FRMD4A: variants seen among roughly 807,000 people sequenced by gnomAD.
FRMD4A encodes the protein FERM domain-containing protein 4A.
FRMD4A carries 29 observed loss-of-function variants against 129.1 expected under a neutral mutation model. The observed-to-expected ratio is 0.22, with a 90% confidence interval of 0.17 to 0.31. The LOEUF is 0.31. FRMD4A is among the 10% of genes least tolerant of loss of function. The pLI is 1.00. For synonymous variants in FRMD4A, 634 were observed against 571.6 expected (o/e 1.11, Z -1.56); for missense variants, 1,272 against 1,375.8 (o/e 0.92, Z 1.19).
chr10:14,175,373 C>T (rs993698633), intron 2 of FRMD4A, among the ~76,000 whole-genome samples: 1 of 152,106 alleles, frequency 6.6e-6, no homozygotes, highest in African/African-American at 2.4e-5. Flanking sequence ...GGTCCCAGGC[C>T]CCTGCCTCTT....
At chr10:14,254,584 T>C (rs900807667) in intron 2 of FRMD4A, among the ~76,000 whole-genome samples, 1 of 152,086 alleles carries the variant, frequency 6.6e-6, no homozygotes, top group Non-Finnish European at 1.5e-5. Flanking sequence ...CACCTTTCTT[T>C]ACAATGTGGG....
At position 13,782,905 on chromosome 10, in the gene FRMD4A, G is replaced by A. The variant is rs1309828424; in HGVS notation, c.384+17C>T. The A allele has an allele frequency of 1.8e-6, 2 of 1,124,254 alleles. No homozygotes were observed. The highest frequency in any genetic ancestry group is 2.7e-6 in the Non-Finnish European group (2 of 732,318). The allele number at this position is 1,124,254 out of a possible 1,614,324, so 69.6% of individuals were successfully genotyped here. On this transcript the variant is annotated intron_variant, in intron 6 of 24. Coordinates refer to ENST00000357447, the MANE Select transcript of FRMD4A (RefSeq NM_018027.5). ...TTTCAGGTTTCAGAGGGAAATTGAG[G>A]GAGAGGGAGTTCCTACCTTGTAGAT...
intron 24 of FRMD4A, chr10:13,649,160 T>G (rs2081345802): frequency 6.6e-6 from 1 of 152,208 alleles, no homozygotes; most frequent in Admixed American, 6.5e-5. Flanking sequence ...CTAAACAGTT[T>G]CTGGTTGAAA....
intron 6 of FRMD4A, among the ~76,000 whole-genome samples, chr10:13,771,950 C>A (rs1169277508): frequency 6.7e-6 from 1 of 149,678 alleles, no homozygotes; most frequent in Non-Finnish European, 1.5e-5. Flanking sequence ...AAACAAAACA[C>A]ACAAAAAAAA....
intron 2 of FRMD4A, among the ~76,000 whole-genome samples, chr10:14,306,949 T>A (rs750860804): frequency 3.3e-5 from 5 of 152,132 alleles, no homozygotes; most frequent in Non-Finnish European, 7.4e-5. Flanking sequence ...AAACTCATAA[T>A]CCTATAAAGA....
chr10:14,207,463 G>A (rs141115010), intron 2 of FRMD4A, among the ~76,000 whole-genome samples: 4 of 152,256 alleles, frequency 2.6e-5, no homozygotes, highest in African/African-American at 9.6e-5. Flanking sequence ...CCATGGCCCA[G>A]GGGCTGGGGA....
intron 2 of FRMD4A, among the ~76,000 whole-genome samples, chr10:13,863,546 C>T (rs552415580): frequency 7.2e-5 from 11 of 152,154 alleles, no homozygotes; most frequent in Admixed American, 3.3e-4. Flanking sequence ...GCCAAGATTG[C>T]GCCACTGTAT....
chr10:14,305,387 A>G (rs1050129711), intron 2 of FRMD4A, among the ~76,000 whole-genome samples: 1 of 152,224 alleles, frequency 6.6e-6, no homozygotes, highest in African/African-American at 2.4e-5. Flanking sequence ...TAGATTATAT[A>G]TCTAAGAAAT....
chr10:14,027,178 C>CT (rs2131656066), intron 2 of FRMD4A, among the ~76,000 whole-genome samples: 1 of 152,280 alleles, frequency 6.6e-6, no homozygotes, highest in South Asian at 2.1e-4. Flanking sequence ...AAGAGATATA[C>CT]TACTTGTTTG....
chr10:14,136,786 T>G (rs1839559562), intron 2 of FRMD4A, among the ~76,000 whole-genome samples: 1 of 152,164 alleles, frequency 6.6e-6, no homozygotes, highest in South Asian at 2.1e-4. Flanking sequence ...AAAAGCAAGC[T>G]GTACCCCGAC....
chr10:14,169,835 T>C (rs1841383788), intron 2 of FRMD4A, among the ~76,000 whole-genome samples: 2 of 152,186 alleles, frequency 1.3e-5, no homozygotes, highest in African/African-American at 2.4e-5. Context: ...TTGGGCATAA[T>C]CATGTGTGTG....
intron 5 of FRMD4A, among the ~76,000 whole-genome samples, chr10:13,794,776 TG>T (rs2093078107): frequency 6.6e-6 from 1 of 152,206 alleles, no homozygotes; most frequent in African/African-American, 2.4e-5. Flanking sequence ...ATGGTGATGG[TG>T]GAAGCGTCTA....
intron 2 of FRMD4A, among the ~76,000 whole-genome samples, chr10:14,109,707 C>T (rs1837780621): frequency 6.6e-6 from 1 of 152,090 alleles, no homozygotes; most frequent in South Asian, 2.1e-4. Context: ...TTCGGTGGCT[C>T]ACGCTTGTAA....
intron 2 of FRMD4A, among the ~76,000 whole-genome samples, chr10:14,034,681 C>G (rs1341526876): frequency 6.6e-6 from 1 of 152,232 alleles, no homozygotes; most frequent in Non-Finnish European, 1.5e-5. Context: ...CCTTGTTCAG[C>G]TTACAAGTCC....
intron 12 of FRMD4A, chr10:13,707,634 A>G (rs1322308577): frequency 1.0e-6 from 1 of 988,544 alleles, no homozygotes; most frequent in East Asian, 1.1e-4. Flanking sequence ...TCGGGACTCC[A>G]CTTCCTGCTC....
chr10:14,292,984 G>C (rs1391334475), intron 2 of FRMD4A, among the ~76,000 whole-genome samples: 1 of 152,064 alleles, frequency 6.6e-6, no homozygotes, highest in African/African-American at 2.4e-5. Flanking sequence ...ACCAAATGGA[G>C]ATATTACATT....
At chr10:13,876,072 G>A (rs1487988022) in intron 2 of FRMD4A, among the ~76,000 whole-genome samples, 2 of 152,208 alleles carry the variant, frequency 1.3e-5, no homozygotes, top group Non-Finnish European at 2.9e-5. Flanking sequence ...GGGTTGCCCC[G>A]TTATCACTGC....
chr10:14,275,192 C>T (rs1180387300), intron 2 of FRMD4A, among the ~76,000 whole-genome samples: 1 of 152,164 alleles, frequency 6.6e-6, no homozygotes. Context: ...TACAGGAAGC[C>T]TCTCTTGACT....
At chr10:13,668,733 G>A (rs1362619043) in intron 17 of FRMD4A, among the ~76,000 whole-genome samples, 3 of 152,118 alleles carry the variant, frequency 2.0e-5, no homozygotes, top group African/African-American at 7.2e-5. Flanking sequence ...CTAAAAGTGG[G>A]GTCCCTTTTT....
Sources: allele counts gnomAD v4.1 joint callset (sites outside exome capture counted in the v4.1 genomes callset), GRCh38; gene constraint gnomAD v4.1.1; transcripts MANE v1.5; gene names NCBI Gene and HGNC (gene_info 2026-07-23, HGNC 2026-07-21).